Variants in NHSL1 observed in about 807,000 individuals in gnomAD.
NHSL1 encodes the protein NHS like 1.
In NHSL1, 48 loss-of-function variants were observed where a neutral mutation model predicts 95.0. That is an observed-to-expected ratio of 0.51 (90% confidence interval 0.40 to 0.64). NHSL1 has a LOEUF of 0.64. Among genes scored for constraint, NHSL1 ranks in the 30% least tolerant of loss-of-function variants. The pLI, the probability that NHSL1 is intolerant of heterozygous loss-of-function variation, is 0.00. For missense variants in NHSL1, 1,971 were observed against 2,077.7 expected, an observed-to-expected ratio of 0.95 and a Z score of 1.00; for synonymous variants, 783 against 833.9, an observed-to-expected ratio of 0.94 and a Z score of 1.05.
intron 1 of NHSL1, among the ~76,000 whole-genome samples, chr6:138,671,043 CTCCCAGGAGGCTG>C (rs1785361462): frequency 6.6e-6 from 1 of 152,022 alleles, no homozygotes; most frequent in South Asian, 2.1e-4. Context: ...GTCCCAGATA[CTCCCAGGAGGCTG>C]AGGCAGGAGG....
intron 1 of NHSL1, among the ~76,000 whole-genome samples, chr6:138,619,316 T>C (rs1251933733): frequency 6.6e-6 from 1 of 152,016 alleles, no homozygotes; most frequent in African/African-American, 2.4e-5. Flanking sequence ...CCAGCCTGGA[T>C]GACAAGAGCA....
At chr6:138,523,277 A>T (rs1004605719) in intron 1 of NHSL1, among the ~76,000 whole-genome samples, 1 of 152,118 alleles carries the variant, frequency 6.6e-6, no homozygotes, top group African/African-American at 2.4e-5. Flanking sequence ...GAAGGCAGTG[A>T]ATTAAAGAGA....
intron 1 of NHSL1, among the ~76,000 whole-genome samples, chr6:138,528,340 G>GA (rs970113387): frequency 8.7e-5 from 13 of 149,086 alleles, no homozygotes; most frequent in East Asian, 7.8e-4. Flanking sequence ...ATCTTTAGAA[G>GA]AAAAAAAAAA....
chr6:138,646,314 T>C (rs1785020392), intron 1 of NHSL1, among the ~76,000 whole-genome samples: 1 of 152,116 alleles, frequency 6.6e-6, no homozygotes, highest in Non-Finnish European at 1.5e-5. Flanking sequence ...GTTGTAAGGA[T>C]TAGAAATAAT....
intron 1 of NHSL1, among the ~76,000 whole-genome samples, chr6:138,519,647 A>G (rs1437814394): frequency 2.0e-5 from 3 of 152,220 alleles, no homozygotes; most frequent in Admixed American, 6.5e-5. Flanking sequence ...AAACAAGCAC[A>G]GTGTCTGCAG....
At chr6:138,568,441 CTTT>C (rs997203631) in intron 1 of NHSL1, among the ~76,000 whole-genome samples, 9 of 152,282 alleles carry the variant, frequency 5.9e-5, no homozygotes, top group African/African-American at 1.9e-4. Context: ...CTGCATTCCA[CTTT>C]TTTACTATAA....
rs112419208 is a variant in NHSL1 at position 138,650,417 on chromosome 6, C to T, written c.96+42059G>A. 6.9e-4 allele frequency: 994 copies of T among 1,431,188 alleles called. 14 individuals are homozygous for T. The African/African-American group carries it at 0.013, about 18-fold the overall frequency. 88.7% of individuals were successfully genotyped at this position (1,431,188 alleles called of 1,614,324 possible). A position where few individuals can be genotyped will look rare whatever the true frequency, so the allele number is the denominator to read the frequency against. ...CGCCGACTAGCAGGAAGGGGTAGGT[C>T]AGCATGCTCACTGCAATCCCTGTCA... is the stretch of plus-strand genomic sequence containing the variant. On this transcript the variant is annotated intron_variant, in intron 1 of 3. Coordinates refer to the NHSL1 transcript ENST00000491526.
At chr6:138,467,563 A>G (rs1778474907) in intron 3 of NHSL1, among the ~76,000 whole-genome samples, 1 of 152,216 alleles carries the variant, frequency 6.6e-6, no homozygotes, top group African/African-American at 2.4e-5. Flanking sequence ...TTGTTATCAT[A>G]GGAGATAACA....
chr6:138,451,707 A>G (rs578037097), intron 3 of NHSL1, among the ~76,000 whole-genome samples: 9 of 152,312 alleles, frequency 5.9e-5, no homozygotes, highest in African/African-American at 1.4e-4. Flanking sequence ...TGACTTTTGG[A>G]AAGTTCACAA....
chr6:138,464,715 C>CTTTTCT (rs1554228678), intron 3 of NHSL1, among the ~76,000 whole-genome samples: 2 of 119,026 alleles, frequency 1.7e-5, no homozygotes, highest in Admixed American at 1.0e-4. Flanking sequence ...TTTTTCTTTT[C>CTTTTCT]TTTTTTTTTT....
chr6:138,643,335 T>C (rs1205094239), intron 1 of NHSL1, among the ~76,000 whole-genome samples: 1 of 152,154 alleles, frequency 6.6e-6, no homozygotes, highest in Non-Finnish European at 1.5e-5. Context: ...TTTATCCACA[T>C]CCTCCATGGG....
At chr6:138,552,195 C>A (rs1416834061) in intron 1 of NHSL1, among the ~76,000 whole-genome samples, 3 of 152,058 alleles carry the variant, frequency 2.0e-5, no homozygotes, top group South Asian at 4.1e-4. Context: ...CCGAGGCAGG[C>A]GGATCACGAG....
intron 1 of NHSL1, chr6:138,650,264 C>T (rs1202564801): frequency 2.9e-5 from 19 of 648,504 alleles, no homozygotes; most frequent in Non-Finnish European, 5.6e-5. Flanking sequence ...AGTGGAAAAG[C>T]AGGCTGGAGC....
upstream of NHSL1, among the ~76,000 whole-genome samples, chr6:138,546,448 A>AAAAAAAAAAAAAC (rs1562362745): frequency 4.2e-5 from 6 of 142,076 alleles, no homozygotes; most frequent in Admixed American, 2.0e-4. Flanking sequence ...AAAAAAAAAA[A>AAAAAAAAAAAAAC]AAAAAAAAAA....
chr6:138,585,456 C>T (rs1030021811), intron 1 of NHSL1, among the ~76,000 whole-genome samples: 5 of 152,020 alleles, frequency 3.3e-5, no homozygotes, highest in African/African-American at 1.2e-4. Flanking sequence ...TGTGAAATTC[C>T]GACAAGTTAA....
chr6:138,585,868 C>A lies in NHSL1; in HGVS notation c.97-89497G>T, dbSNP rs568829332. Among the ~76,000 whole-genome samples the A allele has an allele frequency of 5.3e-5, 8 of 151,166 alleles. 1 individual carries two copies. Among genetic ancestry groups the A allele is most frequent in the African/African-American group, 1.9e-4 (8 of 41,122 alleles). ...TCAAGACCAGGGAAACACGGCAAGT[C>A]CCAGTCTCTACAAAAAAAAAAAAAA... is the stretch of plus-strand genomic sequence containing the variant. On this transcript the variant is annotated intron_variant, in intron 1 of 3. Transcript: ENST00000491526.
chr6:138,424,902 T>G lies in NHSL1; in HGVS notation c.4086-86A>C. 1 of 1,080,734 alleles carries G rather than the reference T, an allele frequency of 9.3e-7. No individual in the cohort carries two copies. Among genetic ancestry groups the G allele is most frequent in the Non-Finnish European group, 1.3e-6 (1 of 762,882 alleles). 66.9% of individuals were successfully genotyped at this position (1,080,734 alleles called of 1,614,324 possible). ...CAACCACTCTGCTCTTATCGCATCT[T>G]CAGGTCACCATCTACTTAAGATTCA... On this transcript the variant is annotated intron_variant, in intron 7 of 7. Transcript: ENST00000343505. The surrounding 1 kb of genome is among the most constrained non-coding windows in gnomAD (Gnocchi z 5.9).
chr6:138,620,762 A>G (rs549431404), intron 1 of NHSL1, among the ~76,000 whole-genome samples: 2 of 152,342 alleles, frequency 1.3e-5, no homozygotes, highest in South Asian at 4.1e-4. Flanking sequence ...GCCAGTAAAT[A>G]TAACTTCCAT....
At chr6:138,580,607 G>A (rs1050240428) in intron 1 of NHSL1, among the ~76,000 whole-genome samples, 2 of 152,162 alleles carry the variant, frequency 1.3e-5, no homozygotes, top group African/African-American at 4.8e-5. Flanking sequence ...TTAACAACCA[G>A]CCTGCTAAAA....
Sources: allele counts gnomAD v4.1 joint callset (sites outside exome capture counted in the v4.1 genomes callset), GRCh38; gene constraint gnomAD v4.1.1; non-coding constraint Gnocchi (gnomAD v3.1); transcripts MANE v1.5; gene names NCBI Gene and HGNC (gene_info 2026-07-23, HGNC 2026-07-21).